The following MTUS1 variants were observed in gnomAD, a reference collection of about 807,000 sequenced individuals.
The protein encoded by MTUS1 is microtubule-associated tumor suppressor 1.
In MTUS1, 109 loss-of-function variants were observed where a neutral mutation model predicts 120.8. The ratio of observed to expected loss-of-function variants is 0.90; its 90% confidence interval spans 0.77 to 1.06. The LOEUF is 1.06. MTUS1 is among the 50% of genes least tolerant of loss of function. MTUS1 has a pLI of 0.00. For missense variants in MTUS1, 2,210 were observed against 1,486.3 expected (o/e 1.49, Z -8.01); for synonymous variants, 737 against 550.5 (o/e 1.34, Z -4.74).
chr8:17,684,479 G>C lies in MTUS1; in HGVS notation c.2687C>G (p.Ala896Gly), dbSNP rs550402091. 1 of 1,614,130 alleles carries C rather than the reference G, an allele frequency of 6.2e-7. No homozygotes were observed. The highest frequency in any genetic ancestry group is 8.5e-7 in the Non-Finnish European group (1 of 1,179,986). ...LCIQPQTAPD[A>G]LPPEKTLELT... ...TTCAAGTGTTTTCTCAGGGGGCAGC[G>C]CATCGGGAGCTGTCTGTGGCTGGAT... Residue 896 changes from alanine to glycine, a missense_variant, in exon 7 of 15, where the codon GCG becomes GGG. Physicochemically the swap from Ala to Gly is moderately conservative, Grantham distance 60. Coordinates refer to ENST00000693296, the MANE Select transcript of MTUS1 (RefSeq NM_001363059.2).
chr8:17,774,096 A>G (rs1275158431), intron 1 of MTUS1, among the ~76,000 whole-genome samples: 2 of 152,152 alleles, frequency 1.3e-5, no homozygotes, highest in Non-Finnish European at 2.9e-5. Flanking sequence ...ATAATCTTCC[A>G]AAGTTTGCCT....
chr8:17,659,206 C>T (rs1048508701), intron 8 of MTUS1, among the ~76,000 whole-genome samples: 2 of 152,068 alleles, frequency 1.3e-5, no homozygotes, highest in Non-Finnish European at 2.9e-5. Context: ...TCTTTTCTAC[C>T]AAGCTGTTTC....
At chr8:17,675,538 T>C (rs1812923806) in intron 7 of MTUS1, among the ~76,000 whole-genome samples, 1 of 152,246 alleles carries the variant, frequency 6.6e-6, no homozygotes, top group Non-Finnish European at 1.5e-5. Flanking sequence ...TCACTGCTGA[T>C]CCATAGAACC....
At chr8:17,772,279 A>C (rs986881256) in intron 1 of MTUS1, among the ~76,000 whole-genome samples, 3 of 152,206 alleles carry the variant, frequency 2.0e-5, no homozygotes, top group Admixed American at 6.5e-5. Context: ...AAAATAACTG[A>C]AACATTTAAA....
At chr8:17,725,156 A>C (rs142326636) in intron 3 of MTUS1, among the ~76,000 whole-genome samples, 112 of 152,288 alleles carry the variant, frequency 7.4e-4, no homozygotes, top group African/African-American at 2.7e-3. Flanking sequence ...CAATGCTACC[A>C]GTACCACCTA....
At chr8:17,741,341 A>C (rs1449279207) in intron 3 of MTUS1, among the ~76,000 whole-genome samples, 1 of 152,232 alleles carries the variant, frequency 6.6e-6, no homozygotes, top group African/African-American at 2.4e-5. Flanking sequence ...CCAAGTATTC[A>C]GACCATAAAA....
At chr8:17,727,235 TA>T (rs2046284400) in intron 3 of MTUS1, among the ~76,000 whole-genome samples, 1 of 152,216 alleles carries the variant, frequency 6.6e-6, no homozygotes, top group South Asian at 2.1e-4. Flanking sequence ...AGAATAATCC[TA>T]ACAGTGTGTG....
chr8:17,649,460 A>C (rs1563557683), intron 13 of MTUS1, among the ~76,000 whole-genome samples: 1 of 152,224 alleles, frequency 6.6e-6, no homozygotes, highest in Non-Finnish European at 1.5e-5. Flanking sequence ...ATTCATTTCT[A>C]TTAAACGTAT....
At chr8:17,651,524 C>T (rs905972168) in intron 12 of MTUS1, 23 of 147,428 alleles carry the variant, frequency 1.6e-4, no homozygotes. Flanking sequence ...CCCTTGTACG[C>T]AGGATTTTTT....
At position 17,723,481 on chromosome 8, in the gene MTUS1, C is replaced by G. The variant is rs775829154; in HGVS notation, c.2449+191G>C. On this transcript the variant is annotated intron_variant, in intron 4 of 14. Coordinates refer to ENST00000693296, the MANE Select transcript of MTUS1 (RefSeq NM_001363059.2). ...TCCTTCATGCAAAAATATACTTTAA[C>G]ACATAATTATTTCAAGAGTGTTTTT... is the stretch of plus-strand genomic sequence containing the variant. 93 of 661,326 alleles carry G rather than the reference C, an allele frequency of 1.4e-4. 4 individuals are homozygous for G. The highest frequency in any genetic ancestry group is 2.4e-5 in the Non-Finnish European group (9 of 367,494). The allele number at this position is 661,326 out of a possible 1,614,324, so 41.0% of individuals were successfully genotyped here.
At chr8:17,800,418 G>A (rs1243242115) in intron 1 of MTUS1, among the ~76,000 whole-genome samples, 1 of 152,180 alleles carries the variant, frequency 6.6e-6, no homozygotes, top group Non-Finnish European at 1.5e-5. Flanking sequence ...GTATTTAACA[G>A]AGTATGTGTA....
At chr8:17,734,585 G>T (rs1290459084) in intron 3 of MTUS1, among the ~76,000 whole-genome samples, 3 of 152,156 alleles carry the variant, frequency 2.0e-5, no homozygotes, top group African/African-American at 7.2e-5. Context: ...TTCAGGTGGG[G>T]ATTAAACAAA....
intron 6 of MTUS1, among the ~76,000 whole-genome samples, chr8:17,709,382 T>C (rs752408873): frequency 3.6e-4 from 54 of 152,076 alleles, no homozygotes; most frequent in Non-Finnish European, 6.2e-4. Flanking sequence ...ACAACCCTCC[T>C]TCCTAGAACT....
chr8:17,734,010 A>C (rs2046769958), intron 3 of MTUS1, among the ~76,000 whole-genome samples: 1 of 152,196 alleles, frequency 6.6e-6, no homozygotes, highest in African/African-American at 2.4e-5. Context: ...GAAAACCATT[A>C]AGCGAACTTT....
At chr8:17,709,341 C>G (rs1000378429) in intron 6 of MTUS1, among the ~76,000 whole-genome samples, 4 of 152,102 alleles carry the variant, frequency 2.6e-5, no homozygotes, top group East Asian at 1.9e-4. Context: ...CACATGACAG[C>G]CTTCAATCCG....
chr8:17,652,986 T>G (rs984598790), intron 12 of MTUS1, among the ~76,000 whole-genome samples, 200 bp downstream of exon 12: 2 of 152,162 alleles, frequency 1.3e-5, no homozygotes, highest in African/African-American at 2.4e-5. Context: ...CTGGACTTCA[T>G]CCGTATGTCA....
intron 6 of MTUS1, among the ~76,000 whole-genome samples, chr8:17,689,054 A>C (rs1161352694): frequency 6.6e-6 from 1 of 152,156 alleles, no homozygotes; most frequent in Non-Finnish European, 1.5e-5. Flanking sequence ...GACTAAAAAT[A>C]CAAAAAGTTA....
In MTUS1 at chr8:17,673,556, A is replaced by C. The variant is rs1314643013; in HGVS notation, c.2905+1630T>G. ...AGTCTCGAACTCCTGGGCTCAAGCA[A>C]TCTTCCCACCTCACACTCCAGAGTA... On this transcript the variant is annotated intron_variant, in intron 8 of 14. Transcript: ENST00000693296. Among the ~76,000 whole-genome samples the C allele has an allele frequency of 2.6e-5, 4 of 152,264 alleles. No individual in the cohort carries two copies. The East Asian group carries it at 7.7e-4, about 29-fold the overall frequency.
chr8:17,774,478 G>C (rs968646709), intron 1 of MTUS1, among the ~76,000 whole-genome samples: 1 of 152,224 alleles, frequency 6.6e-6, no homozygotes, highest in African/African-American at 2.4e-5. Flanking sequence ...GATGCCACCA[G>C]GCATTGGGGT....
Sources: gnomAD v4.1 joint callset for allele counts (sites outside exome capture counted in the v4.1 genomes callset) on GRCh38, gnomAD v4.1.1 for gene constraint, MANE v1.5 for transcripts, NCBI Gene and HGNC (gene_info 2026-07-23, HGNC 2026-07-21) for gene names.